The following ZMAT4 variants were observed in gnomAD, a reference collection of about 807,000 sequenced individuals.
The protein encoded by ZMAT4 is zinc finger matrin-type 4, also known as zinc finger matrin-type protein 4.
ZMAT4 carries 17 observed loss-of-function variants against 28.7 expected under a neutral mutation model. The observed-to-expected ratio is 0.59, with a 90% CI of 0.41 to 0.89. The LOEUF is 0.89. Ranked by LOEUF, ZMAT4 falls within the 40% of genes least tolerant of loss-of-function variation. The pLI, the probability that ZMAT4 is intolerant of heterozygous loss-of-function variation, is 0.00. For missense variants in ZMAT4, 240 were observed against 283.8 expected, an observed-to-expected ratio of 0.85 and a Z score of 1.11; for synonymous variants, 117 against 109.2, an observed-to-expected ratio of 1.07 and a Z score of -0.44.
At chr8:40,553,464 A>G (rs1340392568) in intron 6 of ZMAT4, among the ~76,000 whole-genome samples, 4 of 152,178 alleles carry the variant, frequency 2.6e-5, no homozygotes, top group Non-Finnish European at 5.9e-5. Context: ...TTGTGCCATC[A>G]GCTTTGAGAC....
intron 5 of ZMAT4, among the ~76,000 whole-genome samples, chr8:40,608,380 C>T (rs1585751568): frequency 6.6e-6 from 1 of 152,148 alleles, no homozygotes; most frequent in South Asian, 2.1e-4. Context: ...ACAGGCCTCA[C>T]TCAGCTTCCA....
At chr8:40,818,245 G>A (rs1815620304) in intron 2 of ZMAT4, among the ~76,000 whole-genome samples, 2 of 152,142 alleles carry the variant, frequency 1.3e-5, no homozygotes, top group Admixed American at 6.6e-5. Flanking sequence ...GCCCATGCTG[G>A]CCCTGCTGGA....
chr8:40,777,286 G>A (rs1813638605), intron 2 of ZMAT4, among the ~76,000 whole-genome samples: 1 of 152,194 alleles, frequency 6.6e-6, no homozygotes, highest in Non-Finnish European at 1.5e-5. Context: ...AGGTTGCCGT[G>A]CAGCACACAC....
intron 1 of ZMAT4, among the ~76,000 whole-genome samples, chr8:40,833,668 G>A (rs1014319530): frequency 3.9e-5 from 6 of 151,922 alleles, no homozygotes; most frequent in Non-Finnish European, 8.8e-5. Flanking sequence ...CGGGACCACC[G>A]GCTCCAGCAC....
intron 6 of ZMAT4, among the ~76,000 whole-genome samples, chr8:40,577,143 G>A (rs1007060473): frequency 2.6e-5 from 4 of 152,012 alleles, no homozygotes; most frequent in Admixed American, 1.3e-4. Context: ...GCAGTGAGCC[G>A]AGACTGTGCC....
At chr8:40,715,826 G>A (rs1156768250) in intron 3 of ZMAT4, among the ~76,000 whole-genome samples, 1 of 152,216 alleles carries the variant, frequency 6.6e-6, no homozygotes, top group East Asian at 1.9e-4. Flanking sequence ...TCCCCTGTGG[G>A]TCCATTTACA....
intron 6 of ZMAT4, among the ~76,000 whole-genome samples, chr8:40,547,773 A>G (rs1210199529): frequency 6.6e-6 from 1 of 152,218 alleles, no homozygotes; most frequent in Non-Finnish European, 1.5e-5. Flanking sequence ...TGCCGAAAAT[A>G]CAGCAGAAAA....
intron 2 of ZMAT4, among the ~76,000 whole-genome samples, chr8:40,789,416 G>T (rs1345603892): frequency 6.6e-6 from 1 of 152,180 alleles, no homozygotes; most frequent in Non-Finnish European, 1.5e-5. Context: ...AAGAAATTCA[G>T]TGCATCAAAA....
intron 2 of ZMAT4, among the ~76,000 whole-genome samples, chr8:40,792,035 T>C (rs1184939784): frequency 1.3e-5 from 2 of 152,162 alleles, no homozygotes; most frequent in Non-Finnish European, 2.9e-5. Flanking sequence ...AGACTAAAAC[T>C]AGCTATGGGG....
intron 2 of ZMAT4, among the ~76,000 whole-genome samples, chr8:40,809,846 CCAG>C (rs1271785584): frequency 2.6e-5 from 4 of 152,080 alleles, no homozygotes; most frequent in Non-Finnish European, 5.9e-5. Context: ...GAGTTCAAGA[CCAG>C]CCTGGCCAAC....
chr8:40,647,060 TG>T (rs1437521762), intron 5 of ZMAT4, among the ~76,000 whole-genome samples: 7 of 152,048 alleles, frequency 4.6e-5, no homozygotes, highest in East Asian at 1.9e-4. Flanking sequence ...TTTGAGAGTC[TG>T]GGGGGAGGAG....
chr8:40,648,889 C>T (rs1009850428), intron 5 of ZMAT4, among the ~76,000 whole-genome samples: 10 of 142,360 alleles, frequency 7.0e-5, no homozygotes, highest in Non-Finnish European at 1.4e-4. Flanking sequence ...GATTTTGTCA[C>T]CACCAGGCCT....
chr8:40,783,571 T>A (rs778565428), intron 2 of ZMAT4, among the ~76,000 whole-genome samples: 4 of 152,212 alleles, frequency 2.6e-5, no homozygotes, highest in Non-Finnish European at 4.4e-5. Flanking sequence ...AACTTCATAG[T>A]ATTTATATCA....
intron 5 of ZMAT4, among the ~76,000 whole-genome samples, chr8:40,608,092 G>T (rs1384024892): frequency 6.6e-6 from 1 of 152,172 alleles, no homozygotes; most frequent in East Asian, 1.9e-4. Flanking sequence ...GGTTGTCTGG[G>T]TAAGTATTCA....
intron 3 of ZMAT4, among the ~76,000 whole-genome samples, chr8:40,738,925 G>A (rs370703048): frequency 1.1e-4 from 16 of 152,194 alleles, no homozygotes; most frequent in African/African-American, 2.6e-4. Flanking sequence ...TTCATTAATC[G>A]TGAAATTTAG....
chr8:40,738,393 T>C (rs1220746023), intron 3 of ZMAT4, among the ~76,000 whole-genome samples: 1 of 152,190 alleles, frequency 6.6e-6, no homozygotes, highest in East Asian at 1.9e-4. Flanking sequence ...GAGGTGAAAG[T>C]TGTGCAAGGC....
chr8:40,599,376 C>G (rs1256522637), intron 5 of ZMAT4, among the ~76,000 whole-genome samples: 1 of 150,040 alleles, frequency 6.7e-6, no homozygotes, highest in Non-Finnish European at 1.5e-5. Flanking sequence ...GTATACACAG[C>G]ACATATATAT....
chr8:40,677,947 G>A (rs1053766864), intron 4 of ZMAT4, among the ~76,000 whole-genome samples: 1 of 151,990 alleles, frequency 6.6e-6, no homozygotes, highest in African/African-American at 2.4e-5. Flanking sequence ...AACTCACCAG[G>A]CTTTAAAAGT....
chr8:40,723,117 C>A (rs983000671), intron 3 of ZMAT4, among the ~76,000 whole-genome samples: 8 of 152,274 alleles, frequency 5.3e-5, no homozygotes, highest in South Asian at 2.1e-4. Context: ...GTGCTTAGAA[C>A]TGTAACCCCC....
Sources: allele counts gnomAD v4.1 joint callset (sites outside exome capture counted in the v4.1 genomes callset), GRCh38; gene constraint gnomAD v4.1.1; transcripts MANE v1.5; gene names NCBI Gene and HGNC (gene_info 2026-07-23, HGNC 2026-07-21).